Variants in ATP8B4 observed in about 807,000 individuals in gnomAD.
ATP8B4 encodes probable phospholipid-transporting ATPase IM.
A neutral mutation model predicts 145.6 loss-of-function variants in ATP8B4; 133 were observed. The ratio of observed to expected loss-of-function variants is 0.91; its 90% CI spans 0.79 to 1.05. ATP8B4 has a LOEUF of 1.05. Among genes scored for constraint, ATP8B4 ranks in the 50% least tolerant of loss-of-function variants. The probability of loss-of-function intolerance (pLI) is 0.00; values close to 1 mark genes in which losing one functional copy is unlikely to be tolerated. For synonymous variants in ATP8B4, 507 were observed against 492.9 expected, an observed-to-expected ratio of 1.03 and a Z score of -0.38; for missense variants, 1,458 against 1,425.2, an observed-to-expected ratio of 1.02 and a Z score of -0.37.
At chr15:50,083,894 A>G (rs2054722762) in intron 2 of ATP8B4, among the ~76,000 whole-genome samples, 1 of 152,218 alleles carries the variant, frequency 6.6e-6, no homozygotes, top group African/African-American at 2.4e-5. Context: ...AAGACAAAAC[A>G]AAGACAAACA....
intron 2 of ATP8B4, among the ~76,000 whole-genome samples, chr15:50,080,363 G>C (rs1349894436): frequency 1.3e-5 from 2 of 152,122 alleles, no homozygotes; most frequent in East Asian, 1.9e-4. Context: ...GAATAACCCA[G>C]TTTCAGAATA....
At chr15:50,120,996 C>T (rs2057264362), upstream of ATP8B4, among the ~76,000 whole-genome samples, 1 of 152,070 alleles carries the variant, frequency 6.6e-6, no homozygotes, top group Non-Finnish European at 1.5e-5. Flanking sequence ...ATAAATTTAG[C>T]TATTATAAAT....
At chr15:49,905,027 G>A (rs1190803580) in intron 20 of ATP8B4, among the ~76,000 whole-genome samples, 1 of 152,158 alleles carries the variant, frequency 6.6e-6, no homozygotes, top group Non-Finnish European at 1.5e-5. Context: ...ATATGAATTG[G>A]TGAAATGTAT....
In ATP8B4 at chr15:49,967,970, C is replaced by G. The variant is rs200498327; in HGVS notation, c.1243+4612G>C. ...CCAGAAGAGAGTGAGGGTCAATATTCAACAGTCTTAAAGTAAAGAATTTTC... is the reference window on the plus strand; with the variant it reads ...CCAGAAGAGAGTGAGGGTCAATATTGAACAGTCTTAAAGTAAAGAATTTTC... On this transcript the variant is annotated intron_variant, in intron 13 of 27. Transcript: ENST00000284509. Among the ~76,000 whole-genome samples, 20 of 152,312 alleles carry G rather than the reference C, an allele frequency of 1.3e-4. 1 individual carries two copies. The East Asian group carries it at 3.7e-3, about 28-fold the overall frequency.
intron 2 of ATP8B4, among the ~76,000 whole-genome samples, chr15:50,091,789 T>C (rs2055627487): frequency 6.6e-6 from 1 of 152,148 alleles, no homozygotes; most frequent in Admixed American, 6.6e-5. Flanking sequence ...ATTTAATGTA[T>C]TCTTATAAAC....
intron 1 of ATP8B4, among the ~76,000 whole-genome samples, chr15:50,160,254 A>T (rs569830710): frequency 6.6e-6 from 1 of 151,026 alleles, no homozygotes; most frequent in South Asian, 2.1e-4. Context: ...CTTCTTTTTC[A>T]TCTCTGATTT....
chr15:49,860,067 A>G lies in ATP8B4; in HGVS notation c.*127T>C. The G allele has an allele frequency of 8.5e-7, 1 of 1,177,226 alleles. No homozygotes were observed. The allele number at this position is 1,177,226 out of a possible 1,614,324, so 72.9% of individuals were successfully genotyped here. ...ATGGGCACTGGCAGTTGTCTGCCGC[A>G]GATTTAAGTTAAGTGAGGCAATCTG... is the stretch of plus-strand genomic sequence containing the variant. On this transcript the variant is annotated 3_prime_UTR_variant, in exon 28 of 28. Coordinates refer to ENST00000284509, the MANE Select transcript of ATP8B4 (RefSeq NM_024837.4).
Position 49,876,436 on chromosome 15 carries a change from T to C in ATP8B4, c.2869A>G (p.Ile957Val), listed in dbSNP as rs1370523396. The C allele has an allele frequency of 1.2e-6, 2 of 1,612,980 alleles. No homozygotes were observed. Among genetic ancestry groups the C allele is most frequent in the South Asian group, 1.1e-5 (1 of 91,042 alleles). The change falls in exon 25 of 28, where the codon ATT (isoleucine) becomes GTT (valine). Residue 957 changes from isoleucine (I) to valine (V), a missense_variant. Ile to Val is a conservative substitution (Grantham distance 29). Transcript: ENST00000284509. ...GTGTAGATTCCATGCAACACGCAAA[T>C]GAAAAATTTACGCTTGTTAAAAAGC... The part of the protein sequence containing the change: ...NLLFNKRKFF[I>V]CVLHGIYTSL...
At chr15:49,988,603 C>T (rs2046820179) in intron 9 of ATP8B4, among the ~76,000 whole-genome samples, 1 of 152,058 alleles carries the variant, frequency 6.6e-6, no homozygotes, top group African/African-American at 2.4e-5. Context: ...TACATTTAAT[C>T]AGAATTCAAA....
intron 12 of ATP8B4, among the ~76,000 whole-genome samples, chr15:49,976,124 A>G (rs116646161): frequency 0.011 from 1,717 of 152,260 alleles, 43 homozygotes; most frequent in African/African-American, 0.04. Context: ...GGATGGTAGC[A>G]GTTTTTTTCT....
At chr15:50,009,185 T>A (rs1007992718) in intron 7 of ATP8B4, 2 of 152,242 alleles carry the variant, frequency 1.3e-5, no homozygotes, top group Admixed American at 1.3e-4. Context: ...CCTGAATATA[T>A]GTGATCTTTA....
chr15:50,019,891 C>G (rs551543448), intron 6 of ATP8B4, among the ~76,000 whole-genome samples: 3 of 152,246 alleles, frequency 2.0e-5, no homozygotes, highest in Admixed American at 6.5e-5. Context: ...CATCTTCAAA[C>G]TTTAGAGTGC....
At chr15:50,073,019 T>C (rs7162957) in intron 3 of ATP8B4, among the ~76,000 whole-genome samples, 6,051 of 31,550 alleles carry the variant, frequency 0.19, 465 homozygotes, top group African/African-American at 0.25. Context: ...TATATATATA[T>C]ACACACACAC....
rs1431481306 is a variant in ATP8B4 at position 50,106,945 on chromosome 15, A to G, written c.22T>C (p.Leu8=). MFCSEKK[L]REVERIVKAN... Reference sequence around the variant, plus strand: ...GGAAGAACTCAAAACTTACCACGCAATTTCTTTTCACTGCAGAACATTATT... The same window carrying G: ...GGAAGAACTCAAAACTTACCACGCAGTTTCTTTTCACTGCAGAACATTATT... The change falls in exon 2 of 28, where the codon TTG becomes CTG. Residue 8 remains leucine, a synonymous_variant. Coordinates refer to ENST00000284509, the MANE Select transcript of ATP8B4 (RefSeq NM_024837.4). 2 of 1,597,652 alleles carry G rather than the reference A, an allele frequency of 1.3e-6. No homozygotes were observed. Among genetic ancestry groups the G allele is most frequent in the Non-Finnish European group, 1.7e-6 (2 of 1,173,734 alleles).
chr15:49,954,276 A>G (rs2043359032), intron 14 of ATP8B4, among the ~76,000 whole-genome samples: 2 of 152,120 alleles, frequency 1.3e-5, no homozygotes, highest in South Asian at 2.1e-4. Flanking sequence ...CATATATCCT[A>G]TTAGTTCTGT....
chr15:50,087,355 T>TAA (rs1555485691), intron 2 of ATP8B4, among the ~76,000 whole-genome samples: 2 of 52,334 alleles, frequency 3.8e-5, no homozygotes, highest in South Asian at 4.9e-4. Context: ...GATCTATATA[T>TAA]TATATATAAT....
intron 1 of ATP8B4, among the ~76,000 whole-genome samples, chr15:50,127,322 A>G (rs1210381668): frequency 6.6e-6 from 1 of 152,212 alleles, no homozygotes; most frequent in Admixed American, 6.5e-5. Flanking sequence ...TCCCAGTGTT[A>G]GTATTTGGCT....
chr15:50,173,715 A>T lies in ATP8B4; in HGVS notation c.-43+8546T>A, dbSNP rs545712633. Among the ~76,000 whole-genome samples the T allele has an allele frequency of 3.5e-3, 528 of 149,342 alleles. 1 individual carries two copies. Among genetic ancestry groups the T allele is most frequent in the African/African-American group, 0.012 (494 of 40,054 alleles). On this transcript the variant is annotated intron_variant, in intron 1 of 3. Coordinates refer to the ATP8B4 transcript ENST00000558829. ...TGATCAATAAATACTAAAAAAATTT[A>T]AAAAAAAAAGAATTGGTAGCAATCC...
rs1197889465 is a variant in ATP8B4 at position 49,976,242 on chromosome 15, G to GCATCC, written c.1034+3370_1034+3374dup. On this transcript the variant is annotated intron_variant, in intron 12 of 27. Coordinates refer to ENST00000284509, the MANE Select transcript of ATP8B4 (RefSeq NM_024837.4). ...ATTTTCATATATGGTTTACTCTTCT[G>GCATCC]CATCCCACCCCACCCCCACCCTCCA... 4.0e-5 allele frequency among the ~76,000 whole-genome samples: 6 copies of GCATCC among 151,690 alleles called. No homozygotes were observed. In the East Asian group the frequency reaches 1.2e-3, roughly 29 times the overall value.
Sources: gnomAD v4.1 joint callset for allele counts (sites outside exome capture counted in the v4.1 genomes callset) on GRCh38, gnomAD v4.1.1 for gene constraint, MANE v1.5 for transcripts, NCBI Gene and HGNC (gene_info 2026-07-23, HGNC 2026-07-21) for gene names.